Variants in GATAD2A observed in about 807,000 individuals in gnomAD.
GATAD2A encodes transcriptional repressor p66-alpha.
GATAD2A carries 12 observed loss-of-function variants against 68.5 expected under a neutral mutation model. The observed-to-expected ratio is 0.18, with a 90% CI of 0.11 to 0.28. The LOEUF is 0.28. GATAD2A is among the 10% of genes least tolerant of loss of function. GATAD2A has a pLI of 1.00. For missense variants in GATAD2A, 755 were observed against 868.5 expected (o/e 0.87, Z 1.64); for synonymous variants, 410 against 375.3 (o/e 1.09, Z -1.07).
intron 1 of GATAD2A, among the ~76,000 whole-genome samples, chr19:19,448,584 G>T (rs1352056911): frequency 6.6e-6 from 1 of 152,172 alleles, no homozygotes. Flanking sequence ...CGCCTGCCGG[G>T]TTCAAGCAAT....
intron 1 of GATAD2A, among the ~76,000 whole-genome samples, chr19:19,387,170 C>T (rs2048495961): frequency 6.6e-6 from 1 of 151,958 alleles, no homozygotes; most frequent in South Asian, 2.1e-4. Context: ...GGATCCCCCA[C>T]CTTTTGTGGA....
chr19:19,470,102 A>C (rs1222245405), intron 2 of GATAD2A, among the ~76,000 whole-genome samples: 2 of 151,666 alleles, frequency 1.3e-5, no homozygotes, highest in South Asian at 4.2e-4. Context: ...GATAAAAGAC[A>C]CTTTAAGACC....
At position 19,501,112 on chromosome 19, in the gene GATAD2A, T is replaced by C. The variant is rs1191587869; in HGVS notation, c.1205-6T>C. Reference sequence around the variant, plus strand: ...CTGACGTGAGCCATGTGCTGTCTGCTTGCAGCAGGCAGGATGTCGGCCGCC... The same window carrying C: ...CTGACGTGAGCCATGTGCTGTCTGCCTGCAGCAGGCAGGATGTCGGCCGCC... On this transcript the variant is annotated splice_polypyrimidine_tract_variant and splice_region_variant and intron_variant, in intron 8 of 11. Coordinates refer to ENST00000683918, the MANE Select transcript of GATAD2A (RefSeq NM_001384528.1). 1 of 1,606,476 alleles carries C rather than the reference T, an allele frequency of 6.2e-7. No individual in the cohort carries two copies. Among genetic ancestry groups the C allele is most frequent in the East Asian group, 2.2e-5 (1 of 44,734 alleles).
At chr19:19,490,804 G>T (rs1459874076) in intron 2 of GATAD2A, among the ~76,000 whole-genome samples, 1 of 152,180 alleles carries the variant, frequency 6.6e-6, no homozygotes, top group Non-Finnish European at 1.5e-5. Context: ...AGAATCACCT[G>T]AACCGGGGAG....
chr19:19,397,604 G>A (rs1015326116), intron 1 of GATAD2A, among the ~76,000 whole-genome samples: 1 of 152,194 alleles, frequency 6.6e-6, no homozygotes. Flanking sequence ...CTCTGTAATG[G>A]TATACTGTAT....
chr19:19,468,498 G>T (rs1415104210), intron 2 of GATAD2A, among the ~76,000 whole-genome samples: 3 of 152,176 alleles, frequency 2.0e-5, no homozygotes, highest in Non-Finnish European at 4.4e-5. Context: ...AAGAGATCTT[G>T]ACCTAGATAC....
intron 1 of GATAD2A, among the ~76,000 whole-genome samples, chr19:19,462,874 G>T (rs139961290): frequency 1.2e-3 from 180 of 152,298 alleles, no homozygotes; most frequent in African/African-American, 4.2e-3. Context: ...GTTCAAATGG[G>T]CTTCATGGAA....
intron 1 of GATAD2A, among the ~76,000 whole-genome samples, chr19:19,446,828 G>A (rs2055779259): frequency 6.6e-6 from 1 of 152,276 alleles, no homozygotes; most frequent in East Asian, 1.9e-4. Flanking sequence ...CAAAGTGTTG[G>A]GATTACAGGC....
intron 2 of GATAD2A, among the ~76,000 whole-genome samples, chr19:19,476,733 G>T (rs1488751905): frequency 6.6e-6 from 1 of 152,214 alleles, no homozygotes; most frequent in South Asian, 2.1e-4. Flanking sequence ...GAAACAGACG[G>T]AGTGGATACC....
chr19:19,431,231 A>G (rs941342646), intron 1 of GATAD2A, among the ~76,000 whole-genome samples: 1 of 151,370 alleles, frequency 6.6e-6, no homozygotes, highest in African/African-American at 2.4e-5. Context: ...AAGCGATTAC[A>G]GTGTATTTTC....
In GATAD2A at chr19:19,465,544, A is replaced by G. The variant is rs2057799350; in HGVS notation, c.199A>G (p.Thr67Ala). 6.2e-7 allele frequency: 1 copy of G among 1,612,916 alleles called. No homozygotes were observed. The highest frequency in any genetic ancestry group is 8.5e-7 in the Non-Finnish European group (1 of 1,179,012). Residue 67 changes from threonine (T) to alanine (A), a missense_variant, in exon 2 of 12, where the codon ACG becomes GCG. By Grantham distance (58) the Thr-to-Ala change is moderately conservative. Transcript: ENST00000683918. The stretch of plus-strand genomic sequence containing the variant: ...AGGATTGCTGAGGGCAACAGAGGCC[A>G]CGGCCATGGCCATGGGCAGAGGCGA... ...TQGLLRATEA[T>A]AMAMGRGEGL...
At chr19:19,455,049 C>T (rs184238663) in intron 1 of GATAD2A, among the ~76,000 whole-genome samples, 13 of 152,142 alleles carry the variant, frequency 8.5e-5, no homozygotes, top group East Asian at 5.8e-4. Flanking sequence ...TTCTACCAAC[C>T]GTGGATTGAA....
At chr19:19,490,354 C>T (rs1473383843) in intron 2 of GATAD2A, among the ~76,000 whole-genome samples, 1 of 152,130 alleles carries the variant, frequency 6.6e-6, no homozygotes, top group Non-Finnish European at 1.5e-5. Context: ...TCTACCCTTC[C>T]CTGAGGACGC....
chr19:19,409,207 A>G lies in GATAD2A; in HGVS notation c.-7+3188A>G, dbSNP rs185220946. Among the ~76,000 whole-genome samples, 325 of 152,136 alleles carry G rather than the reference A, an allele frequency of 2.1e-3. 1 individual carries two copies. The highest frequency in any genetic ancestry group is 7.6e-3 in the African/African-American group (314 of 41,488). On this transcript the variant is annotated intron_variant, in intron 1 of 11. Transcript: ENST00000683918. ...AGCTCAGATGCTTTTCTGGAGAACT[A>G]CCTGCTTGGACTCGGGGTGTTTCTG...
intron 1 of GATAD2A, among the ~76,000 whole-genome samples, chr19:19,448,755 G>A (rs937744088): frequency 5.3e-5 from 8 of 152,150 alleles, no homozygotes; most frequent in African/African-American, 1.2e-4. Context: ...CTCCTAAAGT[G>A]CACCGCCCCT....
chr19:19,494,431 C>A (rs371544809), intron 5 of GATAD2A, 48 bp downstream of exon 5: 13 of 1,188,682 alleles, frequency 1.1e-5, no homozygotes, highest in African/African-American at 9.0e-5. Context: ...GGCACTGCTG[C>A]TGTCAAGCAC....
Position 19,411,143 on chromosome 19 carries a change from A to G in GATAD2A, c.-7+5124A>G, listed in dbSNP as rs561695069. Reference sequence around the variant, plus strand: ...TGCCCCAGCCTATTCCCCTCTCTCCATGTTCCTGTGAAGAAGGCAAAGTTC... The same window carrying G: ...TGCCCCAGCCTATTCCCCTCTCTCCGTGTTCCTGTGAAGAAGGCAAAGTTC... On this transcript the variant is annotated intron_variant, in intron 1 of 11. Transcript: ENST00000683918. Among the ~76,000 whole-genome samples the G allele has an allele frequency of 3.3e-5, 5 of 152,234 alleles. No individual in the cohort carries two copies. The South Asian group carries it at 1.0e-3, about 32-fold the overall frequency.
intron 2 of GATAD2A, among the ~76,000 whole-genome samples, chr19:19,489,765 C>T (rs199774157): frequency 6.6e-6 from 1 of 152,262 alleles, no homozygotes; most frequent in East Asian, 1.9e-4. Flanking sequence ...GCTGTCATTT[C>T]ATTTCAGCTC....
chr19:19,451,881 C>G (rs2056422362), intron 1 of GATAD2A, among the ~76,000 whole-genome samples: 1 of 152,190 alleles, frequency 6.6e-6, no homozygotes, highest in Non-Finnish European at 1.5e-5. Context: ...GGTCTTGCCC[C>G]TTTGCCCAGG....
Sources: allele counts gnomAD v4.1 joint callset (sites outside exome capture counted in the v4.1 genomes callset), GRCh38; gene constraint gnomAD v4.1.1; transcripts MANE v1.5; gene names NCBI Gene and HGNC (gene_info 2026-07-23, HGNC 2026-07-21).